ENOX1: variants seen among roughly 807,000 people sequenced by gnomAD.
ENOX1 encodes the protein ecto-NOX disulfide-thiol exchanger 1.
Under a neutral mutation model 82.5 loss-of-function variants are expected in ENOX1, and 42 were observed. The observed-to-expected ratio is 0.51, with a 90% CI of 0.40 to 0.66. The LOEUF is 0.66. ENOX1 is among the 30% of genes least tolerant of loss of function. The pLI is 0.00. For synonymous variants in ENOX1, 271 were observed against 282.2 expected, an observed-to-expected ratio of 0.96 and a Z score of 0.40; for missense variants, 608 against 811.6, an observed-to-expected ratio of 0.75 and a Z score of 3.05.
chr13:43,783,686 G>C (rs955633926), intron 1 of ENOX1, among the ~76,000 whole-genome samples: 2 of 152,164 alleles, frequency 1.3e-5, no homozygotes, highest in Non-Finnish European at 2.9e-5. Context: ...TGCTTACGAT[G>C]TTTAATGAGT....
At chr13:43,466,360 T>C (rs2057718462) in intron 3 of ENOX1, among the ~76,000 whole-genome samples, 1 of 152,080 alleles carries the variant, frequency 6.6e-6, no homozygotes, top group Non-Finnish European at 1.5e-5. Flanking sequence ...AATTCTACAG[T>C]GAAAATTATA....
At chr13:43,776,659 T>A (rs1022341518) in intron 1 of ENOX1, among the ~76,000 whole-genome samples, 1 of 152,120 alleles carries the variant, frequency 6.6e-6, no homozygotes, top group Non-Finnish European at 1.5e-5. Context: ...GAGATTAGCA[T>A]GAACAGGAAG....
chr13:43,647,166 T>C (rs1026614519), intron 2 of ENOX1, among the ~76,000 whole-genome samples: 1 of 152,196 alleles, frequency 6.6e-6, no homozygotes, highest in Non-Finnish European at 1.5e-5. Flanking sequence ...AGATTTTAAA[T>C]CCTGTCTCAT....
chr13:43,397,631 G>T (rs901898796), intron 5 of ENOX1, among the ~76,000 whole-genome samples: 2 of 152,120 alleles, frequency 1.3e-5, no homozygotes, highest in African/African-American at 2.4e-5. Context: ...GAGTACTTTT[G>T]CCCTATAGGC....
intron 2 of ENOX1, among the ~76,000 whole-genome samples, chr13:43,619,277 T>C (rs1176374901): frequency 2.6e-5 from 4 of 152,116 alleles, no homozygotes; most frequent in Admixed American, 6.5e-5. Flanking sequence ...AGTACTATGT[T>C]GAAGAGTGGT....
At chr13:43,272,897 A>G (rs1176971171) in intron 12 of ENOX1, among the ~76,000 whole-genome samples, 1 of 152,194 alleles carries the variant, frequency 6.6e-6, no homozygotes, top group Non-Finnish European at 1.5e-5. Context: ...TTTAATCCCT[A>G]GTACTCTACT....
chr13:43,574,663 T>C (rs2080336071), intron 2 of ENOX1, among the ~76,000 whole-genome samples: 1 of 152,238 alleles, frequency 6.6e-6, no homozygotes, highest in Non-Finnish European at 1.5e-5. Flanking sequence ...GACTAAAACA[T>C]ACCACTTTTG....
intron 2 of ENOX1, among the ~76,000 whole-genome samples, chr13:43,581,171 C>T (rs1473262018): frequency 2.6e-5 from 3 of 113,642 alleles, no homozygotes; most frequent in Non-Finnish European, 5.0e-5. Context: ...CTCACTCTGT[C>T]GCCCAGGCTG....
At chr13:43,487,043 T>C (rs9567197) in intron 2 of ENOX1, among the ~76,000 whole-genome samples, 19,484 of 152,000 alleles carry the variant, frequency 0.13, 1,844 homozygotes, top group East Asian at 0.49. Flanking sequence ...TGGTGGTGCA[T>C]GCCTGTAATC....
chr13:43,362,357 C>T (rs1157514244), intron 5 of ENOX1, among the ~76,000 whole-genome samples: 1 of 152,008 alleles, frequency 6.6e-6, no homozygotes, highest in East Asian at 1.9e-4. Flanking sequence ...AAGGGGATCC[C>T]GTTCATGAGG....
At chr13:43,684,312 T>C (rs960664971) in intron 1 of ENOX1, among the ~76,000 whole-genome samples, 40 of 152,164 alleles carry the variant, frequency 2.6e-4, no homozygotes, top group African/African-American at 9.4e-4. Context: ...GTGGTAGACA[T>C]AGGTATCTCA....
intron 5 of ENOX1, among the ~76,000 whole-genome samples, chr13:43,400,230 G>T (rs2053415889): frequency 6.6e-6 from 1 of 152,008 alleles, no homozygotes; most frequent in South Asian, 2.1e-4. Flanking sequence ...CTCTCCCCCA[G>T]TGAAACCTTC....
At chr13:43,223,915 G>T in intron 16 of ENOX1, 138 bp downstream of exon 16, 1 of 580,624 alleles carries the variant, frequency 1.7e-6, no homozygotes, top group Non-Finnish European at 3.1e-6. Context: ...AAAAACTGAG[G>T]TCCTTGCAAA....
At chr13:43,734,776 A>G (rs1219508187) in intron 1 of ENOX1, among the ~76,000 whole-genome samples, 1 of 152,224 alleles carries the variant, frequency 6.6e-6, no homozygotes, top group African/African-American at 2.4e-5. Context: ...TGTGCTCTAA[A>G]GGAGTTTCTG....
At chr13:43,589,753 T>A (rs964016566) in intron 2 of ENOX1, among the ~76,000 whole-genome samples, 1 of 152,074 alleles carries the variant, frequency 6.6e-6, no homozygotes, top group Non-Finnish European at 1.5e-5. Context: ...CAAGCAATCA[T>A]CCCATCTTGT....
intron 5 of ENOX1, among the ~76,000 whole-genome samples, chr13:43,382,958 T>C (rs887240617): frequency 2.6e-5 from 4 of 152,194 alleles, no homozygotes; most frequent in African/African-American, 7.2e-5. Context: ...GCATCAGATA[T>C]GCATATATAA....
intron 3 of ENOX1, among the ~76,000 whole-genome samples, chr13:43,461,378 G>A (rs545146029): frequency 1.3e-5 from 2 of 152,136 alleles, no homozygotes; most frequent in South Asian, 4.2e-4. Flanking sequence ...ATTCACCTAG[G>A]GTTCATGATC....
chr13:43,676,439 G>A (rs1037225341), intron 1 of ENOX1, among the ~76,000 whole-genome samples: 1 of 152,044 alleles, frequency 6.6e-6, no homozygotes, highest in Non-Finnish European at 1.5e-5. Context: ...CATCTACCAG[G>A]CTCTCCCTCA....
intron 8 of ENOX1, among the ~76,000 whole-genome samples, chr13:43,348,032 G>A (rs985598119): frequency 7.9e-5 from 12 of 152,088 alleles, no homozygotes; most frequent in African/African-American, 2.4e-4. Context: ...GTCCGTCCCC[G>A]CTTCCTTTGC....
Sources: allele counts gnomAD v4.1 joint callset (sites outside exome capture counted in the v4.1 genomes callset), GRCh38; gene constraint gnomAD v4.1.1; transcripts MANE v1.5; gene names NCBI Gene and HGNC (gene_info 2026-07-23, HGNC 2026-07-21).